Variants in ERAP1 observed in about 807,000 individuals in gnomAD.
ERAP1 encodes the protein endoplasmic reticulum aminopeptidase 1.
A neutral mutation model predicts 103.7 loss-of-function variants in ERAP1; 86 were observed. The ratio of observed to expected loss-of-function variants is 0.83; its 90% confidence interval spans 0.70 to 0.99. The LOEUF (loss-of-function observed/expected upper bound fraction) is 0.99. Among genes scored for constraint, ERAP1 ranks in the 50% least tolerant of loss-of-function variants. ERAP1 has a pLI of 0.00. For synonymous variants in ERAP1, 398 were observed against 402.4 expected (o/e 0.99, Z 0.13); for missense variants, 1,009 against 1,128.4 (o/e 0.89, Z 1.52).
rs1238909359 is a variant in ERAP1 at position 96,775,018 on chromosome 5, A to G, written c.*1378T>C. On this transcript the variant is annotated 3_prime_UTR_variant, in exon 19 of 19. Transcript: ENST00000443439. ...CCAGGTGTGAGGATTTCCGCACCTT[A>G]GAGTCAGCGCAAAACACGCTGCAAC... The G allele has an allele frequency of 2.1e-5, 21 of 985,350 alleles. No homozygotes were observed. The highest frequency in any genetic ancestry group is 2.4e-5 in the Non-Finnish European group (20 of 829,898). The allele number at this position is 985,350 out of a possible 1,614,324, so 61.0% of individuals were successfully genotyped here.
At chr5:96,810,459 A>G (rs1340081532), upstream of ERAP1, among the ~76,000 whole-genome samples, 1 of 152,224 alleles carries the variant, frequency 6.6e-6, no homozygotes, top group Non-Finnish European at 1.5e-5. Context: ...TGTAATGTAG[A>G]TATTATGCTT....
At chr5:96,870,772 T>C in the ERAP1 span, among the ~76,000 whole-genome samples, 1 of 152,202 alleles carries the variant, frequency 6.6e-6, no homozygotes, top group East Asian at 1.9e-4. Flanking sequence ...TCCTTTTGGA[T>C]CCTGCTTTTA....
In ERAP1 at chr5:96,781,182, A is replaced by T; in HGVS notation, c.2464T>A (p.Phe822Ile). The part of the protein sequence containing the change: ...EKLQWLLDES[F>I]KGDKIKTQEF... ...TGAGTTTTTATTTTATCTCCCTTAA[A>T]GCTTTCATCTAGTAGCCTAGAAGGA... Residue 822 changes from phenylalanine to isoleucine, a missense_variant, in exon 17 of 19, where the codon TTT becomes ATT. This residue lies in a region of ERAP1 where 611 missense variants were observed against 651.7 expected (regional missense o/e 0.94). Coordinates refer to ENST00000443439, the MANE Select transcript of ERAP1 (RefSeq NM_001040458.3). The T allele has an allele frequency of 6.2e-7, 1 of 1,612,640 alleles. No individual in the cohort carries two copies. The highest frequency in any genetic ancestry group is 8.5e-7 in the Non-Finnish European group (1 of 1,179,584).
the ERAP1 span, among the ~76,000 whole-genome samples, chr5:96,920,138 G>A: frequency 7.6e-6 from 1 of 131,424 alleles, no homozygotes; most frequent in Non-Finnish European, 1.7e-5. Context: ...TGGCGAAACC[G>A]TTTCCACAAA....
chr5:96,786,806 A>G, intron 11 of ERAP1: 2 of 432,916 alleles, frequency 4.6e-6, no homozygotes, highest in East Asian at 8.6e-5. Context: ...GCCTTTTTAC[A>G]GTGATTGGCT....
the ERAP1 span, among the ~76,000 whole-genome samples, chr5:96,905,606 C>T: frequency 2.6e-5 from 4 of 152,090 alleles, no homozygotes; most frequent in African/African-American, 7.2e-5. Context: ...AAAGGAGGCC[C>T]GGCACAGTGG....
chr5:96,814,431 T>A, the ERAP1 span: 1 of 417,132 alleles, frequency 2.4e-6, no homozygotes, highest in Non-Finnish European at 4.8e-6. Context: ...ACTATTATAA[T>A]CTTAGGATTG....
chr5:96,774,504 TTTA>T lies in ERAP1; in HGVS notation c.*1889_*1891del, dbSNP rs1773622161. The T allele has an allele frequency of 1.0e-6, 1 of 986,570 alleles. No individual in the cohort carries two copies. The highest frequency in any genetic ancestry group is 1.2e-6 in the Non-Finnish European group (1 of 829,752). The allele number at this position is 986,570 out of a possible 1,614,324, so 61.1% of individuals were successfully genotyped here. On this transcript the variant is annotated 3_prime_UTR_variant, in exon 19 of 19. Transcript: ENST00000443439. ...TCCACTTAGAGGCAAAGAACAATTTTTTATTATCAAAAAGGTTTCTGCACATTG... is the reference window on the plus strand; with the variant it reads ...TCCACTTAGAGGCAAAGAACAATTTTTTATCAAAAAGGTTTCTGCACATTG...
At chr5:96,870,306 C>T in the ERAP1 span, among the ~76,000 whole-genome samples, 1 of 152,206 alleles carries the variant, frequency 6.6e-6, no homozygotes, top group East Asian at 1.9e-4. Flanking sequence ...TCAAGACAAA[C>T]ACAAGCCAAC....
chr5:96,765,189 G>T (rs1769415217), intron 19 of ERAP1: 1 of 1,251,002 alleles, frequency 8.0e-7, no homozygotes, highest in South Asian at 1.2e-5. Flanking sequence ...TTTGGCTAAT[G>T]AGTGACTAAT....
the ERAP1 span, chr5:96,910,345 A>G: frequency 6.6e-6 from 1 of 151,682 alleles, no homozygotes; most frequent in African/African-American, 2.4e-5. Context: ...TAAATCTGTG[A>G]GCTTTTTGAA....
At chr5:96,770,732 T>C (rs944093391), downstream of ERAP1, 6 of 607,210 alleles carry the variant, frequency 9.9e-6, no homozygotes, top group South Asian at 2.0e-5. Context: ...ATCTATCCCA[T>C]AGCATCGCTT....
At chr5:96,771,038 C>T (rs1772116139), downstream of ERAP1, among the ~76,000 whole-genome samples, 2 of 152,242 alleles carry the variant, frequency 1.3e-5, no homozygotes, top group African/African-American at 2.4e-5. Flanking sequence ...CTATGATCCC[C>T]TGGCTATAAG....
chr5:96,841,747 CTT>C, the ERAP1 span, among the ~76,000 whole-genome samples: 7,524 of 108,502 alleles, frequency 0.069, 202 homozygotes, highest in South Asian at 0.16. Flanking sequence ...TCTTCTTCTT[CTT>C]TTTTTTTTTT....
chr5:96,839,007 TC>T, the ERAP1 span, among the ~76,000 whole-genome samples: 1 of 152,104 alleles, frequency 6.6e-6, no homozygotes, highest in Non-Finnish European at 1.5e-5. Flanking sequence ...GTTCCCACAA[TC>T]CCTCATGTTT....
the ERAP1 span, among the ~76,000 whole-genome samples, chr5:96,929,533 G>A: frequency 6.6e-5 from 10 of 151,264 alleles, no homozygotes; most frequent in Non-Finnish European, 1.2e-4. Context: ...CACCCAGGCT[G>A]GAGTGTAGTG....
rs758643883 is a variant in ERAP1 at position 96,790,504 on chromosome 5, A to T, written c.1452+8T>A. The T allele has an allele frequency of 6.2e-7, 1 of 1,613,852 alleles. No individual in the cohort carries two copies. Among genetic ancestry groups the T allele is most frequent in the African/African-American group, 1.3e-5 (1 of 75,058 alleles). ...CCCAAATGCAGAGATATTCAAAAAC[A>T]TACTCACACTTGCCATACTATCCCA... On this transcript the variant is annotated splice_region_variant and intron_variant, in intron 9 of 18. Coordinates refer to ENST00000443439, the MANE Select transcript of ERAP1 (RefSeq NM_001040458.3).
At chr5:96,892,228 T>C in the ERAP1 span, 1 of 1,510,254 alleles carries the variant, frequency 6.6e-7, no homozygotes, top group Admixed American at 1.7e-5. Flanking sequence ...ATAGTGTATT[T>C]GAGCAGAGAG....
At chr5:96,898,572 C>CAAG in the ERAP1 span, among the ~76,000 whole-genome samples, 1 of 94,472 alleles carries the variant, frequency 1.1e-5, no homozygotes, top group Non-Finnish European at 2.0e-5. Context: ...TACTAAAATA[C>CAAG]AAAAAAAAAA....
Sources: allele counts gnomAD v4.1 joint callset (sites outside exome capture counted in the v4.1 genomes callset), GRCh38; gene constraint gnomAD v4.1.1; regional missense constraint gnomAD v4.1.1; transcripts MANE v1.5; gene names NCBI Gene and HGNC (gene_info 2026-07-23, HGNC 2026-07-21).